BTBD9: variants seen among roughly 807,000 people sequenced by gnomAD.
BTBD9 encodes the protein BTB/POZ domain-containing protein 9.
BTBD9 carries 49 observed loss-of-function variants against 64.3 expected under a neutral mutation model. That is an observed-to-expected ratio of 0.76 (90% CI 0.61 to 0.97). The LOEUF (loss-of-function observed/expected upper bound fraction) is 0.97, where lower values mean the gene tolerates loss of function less well. Among genes scored for constraint, BTBD9 ranks in the 50% least tolerant of loss-of-function variants. BTBD9 has a pLI of 0.00. For synonymous variants in BTBD9, 260 were observed against 274.7 expected (o/e 0.95, Z 0.53); for missense variants, 598 against 762.1 (o/e 0.78, Z 2.53).
chr6:38,592,458 T>A lies in BTBD9; in HGVS notation c.814+118A>T, dbSNP rs143746529. 4.5e-4 allele frequency: 497 copies of A among 1,108,108 alleles called. 6 individuals carry two copies. In the African/African-American group the frequency reaches 7.2e-3, roughly 16 times the overall value. 68.6% of individuals were successfully genotyped at this position (1,108,108 alleles called of 1,614,324 possible). ...AGACATTCCATAGGCTAGCTGTTTA[T>A]AAACGTACATATTTCATGTACACCT... On this transcript the variant is annotated intron_variant, in intron 4 of 10. Transcript: ENST00000481247.
At chr6:38,609,293 C>T (rs1244822855) in intron 1 of BTBD9, among the ~76,000 whole-genome samples, 2 of 152,124 alleles carry the variant, frequency 1.3e-5, no homozygotes, top group East Asian at 3.8e-4. Context: ...TCACATGAGC[C>T]TTGCAAGTCA....
At chr6:38,637,640 C>T (rs1421385472) in intron 1 of BTBD9, among the ~76,000 whole-genome samples, 1 of 152,148 alleles carries the variant, frequency 6.6e-6, no homozygotes, top group Non-Finnish European at 1.5e-5. Context: ...ACTATTGGTA[C>T]ATCATTTCAG....
chr6:38,510,568 C>T (rs916961188), intron 6 of BTBD9, among the ~76,000 whole-genome samples: 1 of 152,110 alleles, frequency 6.6e-6, no homozygotes, highest in South Asian at 2.1e-4. Context: ...AACTTTAATG[C>T]TTTATAAACT....
intron 6 of BTBD9, among the ~76,000 whole-genome samples, chr6:38,528,315 C>T (rs545144946): frequency 2.7e-4 from 41 of 152,280 alleles, no homozygotes; most frequent in African/African-American, 8.7e-4. Context: ...TAAAGTGTTC[C>T]GGGGCCTTCA....
chr6:38,368,247 G>C (rs932339045), intron 6 of BTBD9, among the ~76,000 whole-genome samples: 2 of 152,170 alleles, frequency 1.3e-5, no homozygotes, highest in African/African-American at 2.4e-5. Context: ...AAAAGAGGGA[G>C]ACTTTTTTCC....
chr6:38,445,304 A>G (rs1769223410), intron 6 of BTBD9, among the ~76,000 whole-genome samples: 1 of 152,350 alleles, frequency 6.6e-6, no homozygotes, highest in East Asian at 1.9e-4. Flanking sequence ...ATCAATCCAT[A>G]GGAGAGAAAA....
intron 6 of BTBD9, among the ~76,000 whole-genome samples, chr6:38,346,363 C>A (rs529565232): frequency 6.6e-6 from 1 of 152,188 alleles, no homozygotes; most frequent in South Asian, 2.1e-4. Context: ...ACTCTCACGG[C>A]ATTCCCTGTG....
chr6:38,314,179 A>AATTTT (rs567215224), intron 7 of BTBD9, among the ~76,000 whole-genome samples: 136 of 151,838 alleles, frequency 9.0e-4, no homozygotes, highest in African/African-American at 3.1e-3. Context: ...ATTGACCTGT[A>AATTTT]ATTTTATTTT....
chr6:38,570,711 A>G (rs1378958529), intron 6 of BTBD9, among the ~76,000 whole-genome samples: 2 of 152,224 alleles, frequency 1.3e-5, no homozygotes, highest in African/African-American at 4.8e-5. Flanking sequence ...TGGACTACAG[A>G]AGCCCACATT....
At chr6:38,338,330 T>C (rs889353647) in intron 7 of BTBD9, among the ~76,000 whole-genome samples, 2 of 152,172 alleles carry the variant, frequency 1.3e-5, no homozygotes, top group African/African-American at 4.8e-5. Flanking sequence ...AGTTTAAAAC[T>C]TATGAATTGT....
At chr6:38,445,615 A>G (rs1216325119) in intron 6 of BTBD9, among the ~76,000 whole-genome samples, 1 of 152,232 alleles carries the variant, frequency 6.6e-6, no homozygotes, top group African/African-American at 2.4e-5. Flanking sequence ...CATTCCTAAA[A>G]TAGACTTGTT....
chr6:38,365,310 A>G (rs537037087), intron 6 of BTBD9, among the ~76,000 whole-genome samples: 1 of 152,280 alleles, frequency 6.6e-6, no homozygotes, highest in South Asian at 2.1e-4. Context: ...CTGGGAAGTG[A>G]TGAGCTATGT....
chr6:38,294,831 A>C (rs1335151235), intron 7 of BTBD9, among the ~76,000 whole-genome samples: 1 of 118,658 alleles, frequency 8.4e-6, no homozygotes, highest in African/African-American at 3.6e-5. Context: ...ATTTTGTGCC[A>C]AAAAAAAAAA....
At chr6:38,325,061 T>C (rs1763369132) in intron 7 of BTBD9, among the ~76,000 whole-genome samples, 1 of 152,182 alleles carries the variant, frequency 6.6e-6, no homozygotes, top group Admixed American at 6.5e-5. Context: ...ATATTTGTAA[T>C]TATTATGATG....
chr6:38,212,861 C>T (rs1762882791), intron 9 of BTBD9, among the ~76,000 whole-genome samples: 1 of 152,180 alleles, frequency 6.6e-6, no homozygotes, highest in East Asian at 1.9e-4. Flanking sequence ...TCTCCCCCAG[C>T]AGCGCATTCC....
At chr6:38,291,816 A>AAAT (rs1582175305) in intron 7 of BTBD9, among the ~76,000 whole-genome samples, 1 of 152,256 alleles carries the variant, frequency 6.6e-6, no homozygotes, top group East Asian at 1.9e-4. Context: ...CGTATGTTGA[A>AAAT]CCAGCCTCGC....
chr6:38,392,938 G>C (rs1480901154), intron 6 of BTBD9, among the ~76,000 whole-genome samples: 1 of 143,050 alleles, frequency 7.0e-6, no homozygotes, highest in African/African-American at 2.6e-5. Flanking sequence ...GCAGTGGCAT[G>C]ATCTTGGCTT....
chr6:38,529,190 G>A (rs1410152661), intron 6 of BTBD9, among the ~76,000 whole-genome samples: 1 of 152,178 alleles, frequency 6.6e-6, no homozygotes, highest in Admixed American at 6.5e-5. Context: ...TTGCTAAGCT[G>A]GCTTCAGGTC....
intron 6 of BTBD9, among the ~76,000 whole-genome samples, chr6:38,355,961 G>C (rs544620507): frequency 6.6e-6 from 1 of 152,056 alleles, no homozygotes; most frequent in Non-Finnish European, 1.5e-5. Context: ...TGTTTGGCTG[G>C]GTACAGAATC....
Sources: gnomAD v4.1 joint callset for allele counts (sites outside exome capture counted in the v4.1 genomes callset) on GRCh38, gnomAD v4.1.1 for gene constraint, MANE v1.5 for transcripts, NCBI Gene and HGNC (gene_info 2026-07-23, HGNC 2026-07-21) for gene names.